TMPRSS9: variants seen among roughly 807,000 people sequenced by gnomAD.
TMPRSS9 encodes transmembrane serine protease 9, also known as transmembrane protease serine 9.
Under a neutral mutation model 111.4 loss-of-function variants are expected in TMPRSS9, and 113 were observed. The observed-to-expected ratio is 1.01, with a 90% CI of 0.87 to 1.19. TMPRSS9 has a LOEUF of 1.19. Ranked by LOEUF, TMPRSS9 falls within the 50% of genes most tolerant of loss-of-function variation. The pLI is 0.00. For missense variants in TMPRSS9, 1,803 were observed against 1,513.1 expected (o/e 1.19, Z -3.18); for synonymous variants, 805 against 659.1 (o/e 1.22, Z -3.39).
intron 11 of TMPRSS9, 52 bp from the exon 13 acceptor site, chr19:2,416,486 A>G (rs1971233499): frequency 2.6e-6 from 4 of 1,561,990 alleles, no homozygotes; most frequent in Admixed American, 3.5e-5. Context: ...CCTCCCCAAG[A>G]AGGCGGGCAT....
Position 2,415,859 on chromosome 19 carries a change from C to A in TMPRSS9, c.1745+18C>A. Reference sequence around the variant, plus strand: ...TTCAACCAGTAAGGCCCGCCTCCTCCAGGAAGGCTGCCCGGCTTCCCCTCC... The same window carrying A: ...TTCAACCAGTAAGGCCCGCCTCCTCAAGGAAGGCTGCCCGGCTTCCCCTCC... On this transcript the variant is annotated intron_variant, in intron 11 of 17. Transcript: ENST00000648592. 6.4e-7 allele frequency: 1 copy of A among 1,556,790 alleles called. No individual in the cohort carries two copies. The highest frequency in any genetic ancestry group is 8.7e-7 in the Non-Finnish European group (1 of 1,146,078).
At chr19:2,414,960 T>C (rs1443272272) in intron 10 of TMPRSS9, among the ~76,000 whole-genome samples, 6 of 145,656 alleles carry the variant, frequency 4.1e-5, no homozygotes, top group Non-Finnish European at 7.5e-5. Flanking sequence ...TTTTTTTTTT[T>C]CTGAGACGGA....
In TMPRSS9 at chr19:2,410,380, G is replaced by T. The variant is rs772393681; in HGVS notation, c.1240G>T (p.Val414Leu). The T allele has an allele frequency of 2.5e-6, 4 of 1,613,838 alleles. No homozygotes were observed. The African/African-American group carries it at 5.3e-5, about 22-fold the overall frequency. ...GTGCGCTGGCTACCTGGACGGGAAGGTGGACTCCTGCCAGGTGAGCCCCCG... is the reference window on the plus strand; with the variant it reads ...GTGCGCTGGCTACCTGGACGGGAAGTTGGACTCCTGCCAGGTGAGCCCCCG... Residue 414 changes from valine (V) to leucine (L), a missense_variant, in exon 9 of 18, where the codon GTG becomes TTG. Val to Leu is a conservative substitution (Grantham distance 32). Transcript: ENST00000648592.
chr19:2,381,306 C>T (rs1363929945), intron 1 of TMPRSS9, among the ~76,000 whole-genome samples: 1 of 151,824 alleles, frequency 6.6e-6, no homozygotes, highest in Non-Finnish European at 1.5e-5. Flanking sequence ...TTAGAAAACC[C>T]GCGGGGCAGG....
rs371610923 is a variant in TMPRSS9 at position 2,409,576 on chromosome 19, G to A, written c.1118-682G>A. 1.2e-3 allele frequency among the ~76,000 whole-genome samples: 189 copies of A among 152,244 alleles called. 1 individual carries two copies. Among genetic ancestry groups the A allele is most frequent in the African/African-American group, 4.1e-3 (169 of 41,562 alleles). On this transcript the variant is annotated intron_variant, in intron 8 of 17. Coordinates refer to ENST00000648592, the Ensembl canonical transcript of TMPRSS9. ...TGACTGACAGAGGGAAATGAATCCAGTGGAGAAAAATAAGGTGGGGGTGGC... is the reference window on the plus strand; with the variant it reads ...TGACTGACAGAGGGAAATGAATCCAATGGAGAAAAATAAGGTGGGGGTGGC...
Position 2,419,329 on chromosome 19 carries a change from G to A in TMPRSS9, c.2154+1191G>A, listed in dbSNP as rs549622218. Among the ~76,000 whole-genome samples the A allele has an allele frequency of 2.2e-3, 332 of 149,170 alleles. 1 individual carries two copies. The highest frequency in any genetic ancestry group is 3.5e-3 in the Middle Eastern group (1 of 284). On this transcript the variant is annotated intron_variant, in intron 13 of 17. Transcript: ENST00000648592. The stretch of plus-strand genomic sequence containing the variant: ...AGCGAGTCTCCTGCCTCAGCCTCCC[G>A]AGTAGCTGGGATTATAGGCGCCCGC...
Position 2,402,036 on chromosome 19 carries a change from CT to C in TMPRSS9, c.556+24del. 6.2e-7 allele frequency: 1 copy of C among 1,606,316 alleles called. No individual in the cohort carries two copies. ...AATCAGGTATGTTTTTCTCTCTGGC[CT>C]TTTCTCTGATTGCAGTTACTGACAG... On this transcript the variant is annotated intron_variant, in intron 5 of 17. Transcript: ENST00000648592.
At chr19:2,425,731 G>C in intron 17 of TMPRSS9, 196 bp from the exon 19 acceptor site, 1 of 1,137,858 alleles carries the variant, frequency 8.8e-7, no homozygotes, top group Non-Finnish European at 1.2e-6. Context: ...TGCAGTGGGA[G>C]GCACCGTTCC....
At chr19:2,406,148 A>T (rs11084938) in intron 7 of TMPRSS9, among the ~76,000 whole-genome samples, 1 of 142,116 alleles carries the variant, frequency 7.0e-6, no homozygotes, top group African/African-American at 2.5e-5. Context: ...GTAGCTGGGA[A>T]TACAGGCGCC....
chr19:2,378,951 G>A (rs1970359425), intron 1 of TMPRSS9, among the ~76,000 whole-genome samples: 2 of 152,020 alleles, frequency 1.3e-5, no homozygotes, highest in Admixed American at 1.3e-4. Flanking sequence ...AGAACAGGAT[G>A]GGGGAAAGCA....
intron 13 of TMPRSS9, among the ~76,000 whole-genome samples, chr19:2,419,307 G>A (rs527647702): frequency 7.5e-4 from 112 of 149,888 alleles, no homozygotes; most frequent in African/African-American, 2.3e-3. Flanking sequence ...AGGTTCAAGC[G>A]AGTCTCCTGC....
chr19:2,425,699 C>T, intron 17 of TMPRSS9: 17 of 1,214,814 alleles, frequency 1.4e-5, no homozygotes, highest in Non-Finnish European at 1.8e-5. Flanking sequence ...CCCCGGGCCT[C>T]GGCGGCAGAG....
At chr19:2,409,677 T>A (rs964777809) in intron 8 of TMPRSS9, among the ~76,000 whole-genome samples, 1 of 151,942 alleles carries the variant, frequency 6.6e-6, no homozygotes, top group African/African-American at 2.4e-5. Context: ...AGGCAAATTC[T>A]GCAGGGACAA....
intron 1 of TMPRSS9, among the ~76,000 whole-genome samples, chr19:2,369,265 ATTT>A (rs70947737): frequency 2.0e-5 from 3 of 151,950 alleles, no homozygotes; most frequent in Non-Finnish European, 4.4e-5. Context: ...TTTAAAAAAA[ATTT>A]TTTTGTACCT....
chr19:2,378,912 A>G (rs1264320685), intron 1 of TMPRSS9, among the ~76,000 whole-genome samples: 1 of 152,158 alleles, frequency 6.6e-6, no homozygotes, highest in East Asian at 1.9e-4. Context: ...TTATAAAACC[A>G]TAAGATCTTG....
intron 5 of TMPRSS9, among the ~76,000 whole-genome samples, chr19:2,402,881 G>A (rs1363226234): frequency 1.3e-5 from 2 of 152,152 alleles, no homozygotes; most frequent in African/African-American, 4.8e-5. Context: ...GGTGAGCTGT[G>A]ATTGCACCAC....
chr19:2,421,036 T>C (rs1971452192), intron 13 of TMPRSS9, among the ~76,000 whole-genome samples: 1 of 151,898 alleles, frequency 6.6e-6, no homozygotes. Context: ...GAAGCCCCCA[T>C]CTCTACTAAA....
At chr19:2,416,351 C>G in intron 11 of TMPRSS9, 187 bp from the exon 13 acceptor site, 1 of 748,294 alleles carries the variant, frequency 1.3e-6, no homozygotes, top group Non-Finnish European at 2.1e-6. Context: ...GCTTGGGATC[C>G]TTTTCAGGAG....
At chr19:2,406,512 A>C (rs1251815079) in intron 7 of TMPRSS9, among the ~76,000 whole-genome samples, 1 of 138,886 alleles carries the variant, frequency 7.2e-6, no homozygotes, top group African/African-American at 2.7e-5. Flanking sequence ...TTTTTGTATA[A>C]TTAGTAGAGA....
Sources: gnomAD v4.1 joint callset for allele counts (sites outside exome capture counted in the v4.1 genomes callset) on GRCh38, gnomAD v4.1.1 for gene constraint, MANE v1.5 for transcripts, NCBI Gene and HGNC (gene_info 2026-07-23, HGNC 2026-07-21) for gene names.